DNAI3: variants seen among roughly 807,000 people sequenced by gnomAD.
DNAI3 encodes the protein WD repeat domain 63.
A neutral mutation model predicts 115.5 loss-of-function variants in DNAI3; 83 were observed. The ratio of observed to expected loss-of-function variants is 0.72; its 90% confidence interval spans 0.60 to 0.86. The LOEUF (loss-of-function observed/expected upper bound fraction) is 0.86. Among genes scored for constraint, DNAI3 ranks in the 40% least tolerant of loss-of-function variants. The pLI, the probability that DNAI3 is intolerant of heterozygous loss-of-function variation, is 0.00. For synonymous variants in DNAI3, 320 were observed against 347.0 expected, an observed-to-expected ratio of 0.92 and a Z score of 0.86; for missense variants, 1,004 against 1,075.8, an observed-to-expected ratio of 0.93 and a Z score of 0.93.
intron 6 of DNAI3, 40 bp from the exon 7 acceptor site, chr1:85,085,791 G>GA (rs1557711329): frequency 2.8e-5 from 21 of 750,666 alleles, no homozygotes; most frequent in Non-Finnish European, 4.0e-5. Flanking sequence ...ACACATCAGG[G>GA]ACTTCATTAT....
chr1:85,117,442 G>T (rs1305481065), intron 16 of DNAI3, among the ~76,000 whole-genome samples: 4 of 152,110 alleles, frequency 2.6e-5, no homozygotes. Context: ...AAAAGAAACA[G>T]GTTGCCGATG....
chr1:85,099,356 T>G, intron 13 of DNAI3: 1 of 824,580 alleles, frequency 1.2e-6, no homozygotes, highest in Non-Finnish European at 1.5e-6. Context: ...AGCCAAATCA[T>G]GAGTGAACTC....
At position 85,117,731 on chromosome 1, in the gene DNAI3, A is replaced by G. The variant is rs777537459; in HGVS notation, c.1789A>G (p.Lys597Glu). ...EDHLLCKTQD[K>E]MLAQSKTEKA... is the part of the protein sequence containing the mutation. The stretch of plus-strand genomic sequence containing the variant: ...TTCTACCCACACTCCTCTGAAAGAC[A>G]AAATGTTAGCACAGAGCAAAACAGA... Residue 597 changes from lysine to glutamate, a missense_variant and splice_region_variant, in exon 17 of 23, where the codon AAA becomes GAA. Physicochemically the swap from Lys to Glu is moderately conservative, Grantham distance 56. Coordinates refer to ENST00000294664, the MANE Select transcript of DNAI3 (RefSeq NM_145172.5). 2 of 1,613,078 alleles carry G rather than the reference A, an allele frequency of 1.2e-6. No homozygotes were observed. The highest frequency in any genetic ancestry group is 1.7e-5 in the Admixed American group (1 of 60,010).
intron 8 of DNAI3, among the ~76,000 whole-genome samples, chr1:85,090,706 T>C (rs528107070): frequency 6.6e-6 from 1 of 152,342 alleles, no homozygotes; most frequent in Admixed American, 6.5e-5. Flanking sequence ...CCTGTGTTCC[T>C]GCACTCTTAC....
Position 85,108,066 on chromosome 1 carries a change from AC to A in DNAI3, c.1589del (p.Pro530LeufsTer2). On this transcript the variant is annotated frameshift_variant, in exon 15 of 23. Coordinates refer to ENST00000294664, the MANE Select transcript of DNAI3 (RefSeq NM_145172.5). LOFTEE classifies it high-confidence loss of function. Reference sequence around the variant, plus strand: ...GTTTTTGGGATATTAGACCACAGAAACCTTTAACCCCCCAAACAACAGAGAA... The same window carrying A: ...GTTTTTGGGATATTAGACCACAGAAACTTTAACCCCCCAAACAACAGAGAA... Reference protein sequence around the residue: ...ICFWDIRPQKPLTPQTTEKKK... With the variant: ...ICFWDIRPQKXLTPQTTEKKK... The A allele has an allele frequency of 6.2e-7, 1 of 1,602,226 alleles. No individual in the cohort carries two copies.
chr1:85,084,465 T>C, intron 5 of DNAI3, 81 bp from the exon 6 acceptor site: 1 of 1,008,592 alleles, frequency 9.9e-7, no homozygotes, highest in Non-Finnish European at 1.3e-6. Context: ...AAGTAAAGTT[T>C]GTTGCAAAAT....
intron 20 of DNAI3, among the ~76,000 whole-genome samples, chr1:85,128,125 CAAAAAAA>C (rs11344833): frequency 2.5e-4 from 16 of 64,402 alleles, no homozygotes; most frequent in Admixed American, 2.5e-3. Flanking sequence ...GACCCTGTCT[CAAAAAAA>C]AAAAAAAAAA....
rs1439527541 is a variant in DNAI3 at position 85,072,871 on chromosome 1, C to T, written c.65-183C>T. On this transcript the variant is annotated intron_variant, in intron 2 of 22. Transcript: ENST00000294664. ...TCGGGAGGCTGAGGCAGGAGAATGGCGTGAACCCAGGATGTGGTGCTTGCA... is the reference window on the plus strand; with the variant it reads ...TCGGGAGGCTGAGGCAGGAGAATGGTGTGAACCCAGGATGTGGTGCTTGCA... 6.3e-5 allele frequency among the ~76,000 whole-genome samples: 9 copies of T among 143,140 alleles called. No individual in the cohort carries two copies. In the East Asian group the frequency reaches 6.5e-4, roughly 10 times the overall value. 93.9% of individuals were successfully genotyped at this position (143,140 alleles called of 152,430 possible). A position where few individuals can be genotyped will look rare whatever the true frequency, so the allele number is the denominator to read the frequency against.
chr1:85,069,604 T>C (rs1344787401), intron 1 of DNAI3, among the ~76,000 whole-genome samples: 1 of 152,002 alleles, frequency 6.6e-6, no homozygotes, highest in Non-Finnish European at 1.5e-5. Context: ...GCCAGGTTGA[T>C]CTCGAACTCC....
chr1:85,088,948 G>C lies in DNAI3; in HGVS notation c.741-1168G>C, dbSNP rs572694385. On this transcript the variant is annotated intron_variant, in intron 7 of 22. Coordinates refer to ENST00000294664, the MANE Select transcript of DNAI3 (RefSeq NM_145172.5). The stretch of plus-strand genomic sequence containing the variant: ...TAATATTATTTCTTTCTACCACTCT[G>C]CCTTCTGCTATGGATACTGACCTAA... Among the ~76,000 whole-genome samples the C allele has an allele frequency of 2.1e-3, 323 of 151,796 alleles. 1 individual carries two copies. The highest frequency in any genetic ancestry group is 7.5e-3 in the African/African-American group (310 of 41,380).
intron 16 of DNAI3, among the ~76,000 whole-genome samples, chr1:85,111,562 G>T (rs908357599): frequency 6.6e-6 from 1 of 152,194 alleles, no homozygotes; most frequent in African/African-American, 2.4e-5. Context: ...ACAACAATCT[G>T]CAAGCTGGGA....
intron 12 of DNAI3, among the ~76,000 whole-genome samples, 156 bp from the exon 13 acceptor site, chr1:85,098,374 T>C (rs1393020336): frequency 6.6e-6 from 1 of 152,234 alleles, no homozygotes; most frequent in Non-Finnish European, 1.5e-5. Flanking sequence ...ATAATCCTAT[T>C]ACCTAAATAT....
Position 85,069,015 on chromosome 1 carries a change from A to C in DNAI3, c.-14-2913A>C, listed in dbSNP as rs142030395. Among the ~76,000 whole-genome samples, 561 of 152,340 alleles carry C rather than the reference A, an allele frequency of 3.7e-3. 3 individuals are homozygous for C. Among genetic ancestry groups the C allele is most frequent in the Middle Eastern group, 0.017 (5 of 294 alleles). ...AGACTTGCAGCAGCTCATCCACACCACAGTGCATAGCATGAGAAGAAATAA... is the reference window on the plus strand; with the variant it reads ...AGACTTGCAGCAGCTCATCCACACCCCAGTGCATAGCATGAGAAGAAATAA... On this transcript the variant is annotated intron_variant, in intron 1 of 22. Transcript: ENST00000294664.
At chr1:85,117,952 C>T (rs1655882374) in intron 17 of DNAI3, 93 bp downstream of exon 17, 1 of 1,415,972 alleles carries the variant, frequency 7.1e-7, no homozygotes, top group Non-Finnish European at 9.5e-7. Context: ...TGTGTAAAGA[C>T]ATAAAAGTTA....
At chr1:85,108,710 C>G (rs1306250742) in intron 15 of DNAI3, among the ~76,000 whole-genome samples, 1 of 152,100 alleles carries the variant, frequency 6.6e-6, no homozygotes, top group Non-Finnish European at 1.5e-5. Flanking sequence ...TCTGCTGAAC[C>G]CATCACCCAG....
rs1654848312 is a variant in DNAI3 at position 85,087,972 on chromosome 1, GAGA to G, written c.740+1949_740+1951del. Among the ~76,000 whole-genome samples, 4 of 152,104 alleles carry G rather than the reference GAGA, an allele frequency of 2.6e-5. No homozygotes were observed. The South Asian group carries it at 8.3e-4, about 32-fold the overall frequency. On this transcript the variant is annotated intron_variant, in intron 7 of 22. Transcript: ENST00000294664. ...GGGCCAAGAAATGAGTCAGAAACAA[GAGA>G]AGAAGATGAACAGACAGGCCAAAAC...
chr1:85,114,015 CT>C (rs58178754), intron 16 of DNAI3, among the ~76,000 whole-genome samples: 85,205 of 117,566 alleles, frequency 0.72, 30,410 homozygotes, highest in South Asian at 0.85. Context: ...CAATTTGTAT[CT>C]TTTTTTTTTT....
At chr1:85,129,868 T>G (rs1656261453) in intron 21 of DNAI3, 122 bp from the exon 22 acceptor site, 1 of 1,072,130 alleles carries the variant, frequency 9.3e-7, no homozygotes. Flanking sequence ...TCAAGTAGAT[T>G]AGGGAGGTAG....
In DNAI3 at chr1:85,081,323, C is replaced by T. The variant is rs776785603; in HGVS notation, c.193C>T (p.Pro65Ser). The change falls in exon 4 of 23, where the codon CCT (proline) becomes TCT (serine). Residue 65 changes from proline (P) to serine (S), a missense_variant. Physicochemically the swap from Pro to Ser is moderately conservative, Grantham distance 74. Coordinates refer to ENST00000294664, the MANE Select transcript of DNAI3 (RefSeq NM_145172.5). Reference protein sequence around the residue: ...RIDEDVTDEQPYKLINKEDIF... With the variant: ...RIDEDVTDEQSYKLINKEDIF... ...AGATGAAGATGTCACAGATGAACAA[C>T]CTTATAAGCTTATCAATAAAGAAGA... is the stretch of plus-strand genomic sequence containing the variant. The T allele has an allele frequency of 1.2e-5, 20 of 1,606,254 alleles. No individual in the cohort carries two copies. Among genetic ancestry groups the T allele is most frequent in the Non-Finnish European group, 1.7e-5 (20 of 1,177,466 alleles).
Sources: allele counts gnomAD v4.1 joint callset (sites outside exome capture counted in the v4.1 genomes callset), GRCh38; gene constraint gnomAD v4.1.1; transcripts MANE v1.5; gene names NCBI Gene and HGNC (gene_info 2026-07-23, HGNC 2026-07-21).